Variants in AKIP1 observed in about 807,000 individuals in gnomAD.
AKIP1 encodes the protein A-kinase-interacting protein 1.
AKIP1 carries 18 observed loss-of-function variants against 22.3 expected under a neutral mutation model. The observed-to-expected ratio is 0.81, with a 90% CI of 0.56 to 1.19. The LOEUF is 1.19. Among genes scored for constraint, AKIP1 ranks in the 50% most tolerant of loss-of-function variants. The pLI, the probability that AKIP1 is intolerant of heterozygous loss-of-function variation, is 0.00. For missense variants in AKIP1, 287 were observed against 264.6 expected (o/e 1.08, Z -0.59); for synonymous variants, 120 against 102.7 (o/e 1.17, Z -1.02).
At chr11:8,916,484 T>G (rs2064487858) in intron 4 of AKIP1, among the ~76,000 whole-genome samples, 1 of 152,190 alleles carries the variant, frequency 6.6e-6, no homozygotes, top group Admixed American at 6.5e-5. Flanking sequence ...TGCTTTTGTT[T>G]TAACCTACCC....
rs116521366 is a variant in AKIP1 at position 8,911,457 on chromosome 11, A to G, written c.8A>G (p.Asn3Ser). MDNCLAAAALNGV... is the reference protein window; with the variant it reads MDSCLAAAALNGV... The stretch of plus-strand genomic sequence containing the variant: ...GTGCCCACTCAGGGAGCCATGGACA[A>G]CTGTTTGGCGGCCGCAGCGCTGAAT... The change falls in exon 2 of 6, where the codon AAC (asparagine) becomes AGC (serine). Residue 3 changes from asparagine to serine, a missense_variant. Coordinates refer to ENST00000309377, the MANE Select transcript of AKIP1 (RefSeq NM_020642.4). The G allele has an allele frequency of 2.5e-6, 4 of 1,595,750 alleles. No individual in the cohort carries two copies. Among genetic ancestry groups the G allele is most frequent in the Non-Finnish European group, 3.4e-6 (4 of 1,171,444 alleles).
intron 1 of AKIP1, 67 bp downstream of exon 1, chr11:8,911,290 G>C (rs1319563807): frequency 1.5e-6 from 1 of 665,804 alleles, no homozygotes; most frequent in South Asian, 1.9e-5. Flanking sequence ...GCTAGGCCTA[G>C]TCCTGGCTGG....
chr11:8,911,293 C>T (rs2064334473), intron 1 of AKIP1, 70 bp downstream of exon 1: 7 of 677,292 alleles, frequency 1.0e-5, no homozygotes, highest in Admixed American at 2.9e-5. Context: ...AGGCCTAGTC[C>T]TGGCTGGGCT....
At chr11:8,917,670 C>A (rs1269796739) in intron 5 of AKIP1, 2 of 454,212 alleles carry the variant, frequency 4.4e-6, no homozygotes, top group Non-Finnish European at 7.8e-6. Flanking sequence ...CTGGGTCCTG[C>A]TGGAATTCCA....
rs769464587 is a variant in AKIP1, at chr11:8,911,553, G to C, written c.104G>C (p.Arg35Thr). Residue 35 changes from arginine (R) to threonine (T), a missense_variant, in exon 2 of 6, where the codon AGG becomes ACG. Physicochemically the swap from Arg to Thr is moderately conservative, Grantham distance 71. Coordinates refer to ENST00000309377, the MANE Select transcript of AKIP1 (RefSeq NM_020642.4). Reference sequence around the variant, plus strand: ...GAAGTGCTGGAGAGGGCCAAGAGGAGGGCGGTGGACTGGCATGCCCTGGAG... The same window carrying C: ...GAAGTGCTGGAGAGGGCCAAGAGGACGGCGGTGGACTGGCATGCCCTGGAG... Reference protein sequence around the residue: ...ALEVLERAKRRAVDWHALERP... With the variant: ...ALEVLERAKRTAVDWHALERP... 4 of 1,611,266 alleles carry C rather than the reference G, an allele frequency of 2.5e-6. No individual in the cohort carries two copies. In the African/African-American group the frequency reaches 4.0e-5, roughly 16 times the overall value.
At chr11:8,916,301 G>A (rs1232216273) in intron 4 of AKIP1, among the ~76,000 whole-genome samples, 2 of 152,124 alleles carry the variant, frequency 1.3e-5, no homozygotes, top group South Asian at 2.1e-4. Flanking sequence ...GGAAGTGTGG[G>A]GACGGGGGTC....
intron 3 of AKIP1, among the ~76,000 whole-genome samples, 190 bp downstream of exon 3, chr11:8,912,723 TGAATGCC>T (rs2064405120): frequency 6.6e-6 from 1 of 152,142 alleles, no homozygotes; most frequent in African/African-American, 2.4e-5. Flanking sequence ...AAATGTTTAT[TGAATGCC>T]TAACCCTGTA....
In AKIP1 at chr11:8,919,491, C is replaced by T; in HGVS notation, c.*11C>T. On this transcript the variant is annotated 3_prime_UTR_variant, in exon 6 of 6. Transcript: ENST00000309377. ...GTCTTCCCTGTGTGATGTTGACCAT[C>T]ACTGCCATCACATCACCTTTTTTTA... 6.2e-7 allele frequency: 1 copy of T among 1,611,304 alleles called. No homozygotes were observed. Among genetic ancestry groups the T allele is most frequent in the Non-Finnish European group, 8.5e-7 (1 of 1,179,170 alleles).
In AKIP1 at chr11:8,919,429, T is replaced by A. The variant is rs375523205; in HGVS notation, c.582T>A (p.His194Gln). 6.2e-7 allele frequency: 1 copy of A among 1,614,118 alleles called. No homozygotes were observed. The highest frequency in any genetic ancestry group is 1.3e-5 in the African/African-American group (1 of 74,934). ...CAAATGACTTAACCAAGAAGACTCATGTGGTAGCAGTTGATTCTGGACAAA... is the reference window on the plus strand; with the variant it reads ...CAAATGACTTAACCAAGAAGACTCAAGTGGTAGCAGTTGATTCTGGACAAA... ...VGSNDLTKKT[H>Q]VVAVDSGQSV... The change falls in exon 6 of 6, where the codon CAT becomes CAA. Residue 194 changes from histidine to glutamine, a missense_variant. Transcript: ENST00000309377.
intron 2 of AKIP1, among the ~76,000 whole-genome samples, chr11:8,912,216 A>T (rs1384749668): frequency 1.3e-5 from 2 of 152,010 alleles, no homozygotes; most frequent in Non-Finnish European, 2.9e-5. Context: ...AAAAAAAAAA[A>T]AAAATCTTAC....
chr11:8,911,266 G>T (rs966742248), intron 1 of AKIP1, 43 bp downstream of exon 1: 2 of 600,346 alleles, frequency 3.3e-6, no homozygotes, highest in Non-Finnish European at 5.9e-6. Flanking sequence ...GATGAAAATG[G>T]AAGGGGCGGG....
chr11:8,916,895 C>A (rs1042497350), intron 4 of AKIP1, among the ~76,000 whole-genome samples: 1 of 152,200 alleles, frequency 6.6e-6, no homozygotes, highest in Non-Finnish European at 1.5e-5. Flanking sequence ...TCTAGGACCA[C>A]CCCCACTCCT....
rs138835299 is a variant in AKIP1, at chr11:8,917,410, C to A, written c.489+43C>A. On this transcript the variant is annotated intron_variant, in intron 5 of 5. Coordinates refer to ENST00000309377, the MANE Select transcript of AKIP1 (RefSeq NM_020642.4). ...TACGCACTGGGTTTCACCACCGTTG[C>A]AACTCCATGAACCAGTTGACATGGT... The A allele has an allele frequency of 9.3e-5, 135 of 1,444,658 alleles. No individual in the cohort carries two copies. In the African/African-American group the frequency reaches 9.8e-4, roughly 10 times the overall value. The allele number at this position is 1,444,658 out of a possible 1,614,324, so 89.5% of individuals were successfully genotyped here.
chr11:8,915,445 C>A (rs1246283060), intron 4 of AKIP1, among the ~76,000 whole-genome samples: 1 of 146,224 alleles, frequency 6.8e-6, no homozygotes, highest in African/African-American at 2.5e-5. Flanking sequence ...CTTACTGCAG[C>A]CTTGACTTCC....
intron 5 of AKIP1, 116 bp from the exon 6 acceptor site, chr11:8,919,221 C>G (rs2064535797): frequency 4.0e-6 from 4 of 987,842 alleles, no homozygotes; most frequent in Non-Finnish European, 6.1e-6. Context: ...ACCTCTGTCT[C>G]CCACATTAGC....
intron 4 of AKIP1, among the ~76,000 whole-genome samples, chr11:8,915,370 T>TC (rs1311383667): frequency 3.0e-5 from 3 of 100,812 alleles, no homozygotes; most frequent in Non-Finnish European, 6.4e-5. Flanking sequence ...TTTTTTTTTT[T>TC]TTTTTTTTTT....
At chr11:8,915,946 C>T (rs1395251315) in intron 4 of AKIP1, among the ~76,000 whole-genome samples, 1 of 151,856 alleles carries the variant, frequency 6.6e-6, no homozygotes, top group Non-Finnish European at 1.5e-5. Context: ...GCCTCAGCCC[C>T]GAGTAGCTGG....
Position 8,911,216 on chromosome 11 carries a change from T to C in AKIP1, c.-14T>C. On this transcript the variant is annotated 5_prime_UTR_variant, in exon 1 of 6. An upstream open reading frame in the 5' UTR loses its in-frame stop. Transcript: ENST00000309377. Reference sequence around the variant, plus strand: ...CGTTGCGCGCATGCGCCTTGACGAGTGAGCCGGGTGAGGGGGCTCCCTAAG... The same window carrying C: ...CGTTGCGCGCATGCGCCTTGACGAGCGAGCCGGGTGAGGGGGCTCCCTAAG... The C allele has an allele frequency of 1.8e-6, 1 of 541,638 alleles. No homozygotes were observed. Among genetic ancestry groups the C allele is most frequent in the South Asian group, 2.5e-5 (1 of 40,150 alleles). The allele number at this position is 541,638 out of a possible 1,614,324, so 33.6% of individuals were successfully genotyped here.
Position 8,919,119 on chromosome 11 carries a change from T to G in AKIP1, c.490-218T>G, listed in dbSNP as rs77505132. ...CAGAGTGTTTTCACATGCTTATTTG[T>G]GAGGTATTATCACAGTGCTAGAAAT... On this transcript the variant is annotated intron_variant, in intron 5 of 5. Coordinates refer to ENST00000309377, the MANE Select transcript of AKIP1 (RefSeq NM_020642.4). 4.9e-3 allele frequency among the ~76,000 whole-genome samples: 739 copies of G among 152,328 alleles called. 22 individuals are homozygous for G. Among genetic ancestry groups the G allele is most frequent in the Admixed American group, 0.04 (617 of 15,296 alleles).
Sources: gnomAD v4.1 joint callset for allele counts (sites outside exome capture counted in the v4.1 genomes callset) on GRCh38, gnomAD v4.1.1 for gene constraint, MANE v1.5 for transcripts, NCBI Gene and HGNC (gene_info 2026-07-23, HGNC 2026-07-21) for gene names.